Variants in KLF12 observed in about 807,000 individuals in gnomAD.
The protein encoded by KLF12 is Krueppel-like factor 12.
Under a neutral mutation model 37.8 loss-of-function variants are expected in KLF12, and 9 were observed. The ratio of observed to expected loss-of-function variants is 0.24; its 90% confidence interval spans 0.14 to 0.42. The LOEUF is 0.42. Among genes scored for constraint, KLF12 ranks in the 10% least tolerant of loss-of-function variants. The probability of loss-of-function intolerance (pLI) is 1.00; values close to 1 mark genes in which losing one functional copy is unlikely to be tolerated. For missense variants in KLF12, 411 were observed against 516.0 expected, an observed-to-expected ratio of 0.80 and a Z score of 1.97; for synonymous variants, 208 against 202.1, an observed-to-expected ratio of 1.03 and a Z score of -0.25.
intron 6 of KLF12, among the ~76,000 whole-genome samples, chr13:73,750,076 CA>C (rs1348843360): frequency 2.0e-5 from 3 of 152,168 alleles, no homozygotes; most frequent in Admixed American, 2.0e-4. Flanking sequence ...CATTATTCTT[CA>C]AACATTTTGT....
At chr13:73,748,718 T>G (rs1175688276) in intron 6 of KLF12, among the ~76,000 whole-genome samples, 1 of 152,154 alleles carries the variant, frequency 6.6e-6, no homozygotes, top group East Asian at 1.9e-4. Flanking sequence ...TACATTTAAA[T>G]TTTAATATGT....
intron 5 of KLF12, among the ~76,000 whole-genome samples, chr13:73,778,071 T>C (rs375919104): frequency 4.6e-5 from 7 of 150,968 alleles, no homozygotes; most frequent in African/African-American, 1.5e-4. Context: ...GAGGCAGAGG[T>C]TTCAGTGAGC....
intron 1 of KLF12, among the ~76,000 whole-genome samples, chr13:74,065,662 T>C (rs9565072): frequency 0.55 from 83,822 of 151,826 alleles, 25,812 homozygotes; most frequent in East Asian, 0.87. Context: ...TGTGTCCTTG[T>C]TCCAGGATAA....
At chr13:74,048,391 A>G (rs1893603389) in intron 1 of KLF12, among the ~76,000 whole-genome samples, 1 of 152,012 alleles carries the variant, frequency 6.6e-6, no homozygotes, top group Admixed American at 6.6e-5. Flanking sequence ...ATCACAAATC[A>G]TATGCTACAT....
At chr13:73,997,795 G>C (rs1291160180) in intron 1 of KLF12, among the ~76,000 whole-genome samples, 1 of 152,154 alleles carries the variant, frequency 6.6e-6, no homozygotes, top group African/African-American at 2.4e-5. Context: ...TTTCTCAATT[G>C]TCATTAGGTG....
At chr13:73,750,659 C>T (rs1017338922) in intron 6 of KLF12, among the ~76,000 whole-genome samples, 6 of 152,136 alleles carry the variant, frequency 3.9e-5, no homozygotes, top group Admixed American at 1.3e-4. Flanking sequence ...TTCTGGGGTA[C>T]ATGTGCAGGA....
chr13:73,793,851 T>C (rs1489049226), intron 5 of KLF12, among the ~76,000 whole-genome samples: 2 of 152,214 alleles, frequency 1.3e-5, no homozygotes, highest in African/African-American at 2.4e-5. Flanking sequence ...ACAGTCACGG[T>C]GCGTCATGAT....
intron 6 of KLF12, among the ~76,000 whole-genome samples, chr13:73,741,816 A>T (rs957452565): frequency 2.0e-5 from 3 of 152,256 alleles, no homozygotes; most frequent in Non-Finnish European, 4.4e-5. Context: ...AAAAATCTCC[A>T]GAAAATTGTG....
At position 73,854,714 on chromosome 13, in the gene KLF12, C is replaced by T. The variant is rs557214547; in HGVS notation, c.124-8341G>A. On this transcript the variant is annotated intron_variant, in intron 3 of 7. Coordinates refer to ENST00000377669, the MANE Select transcript of KLF12 (RefSeq NM_007249.5). The stretch of plus-strand genomic sequence containing the variant: ...TGGCACAGTATTTGCATACGGCCTA[C>T]ACAAATCTCCCCATATACTTTAAAT... Among the ~76,000 whole-genome samples, 39 of 152,296 alleles carry T rather than the reference C, an allele frequency of 2.6e-4. No individual in the cohort carries two copies. In the East Asian group the frequency reaches 2.7e-3, roughly 11 times the overall value.
chr13:73,773,153 G>C (rs1880375835), intron 5 of KLF12, among the ~76,000 whole-genome samples: 1 of 152,198 alleles, frequency 6.6e-6, no homozygotes, highest in South Asian at 2.1e-4. Context: ...CTAGAGACCT[G>C]AGTATCCTTA....
intron 3 of KLF12, among the ~76,000 whole-genome samples, chr13:73,920,374 T>C (rs1277049723): frequency 2.0e-5 from 3 of 152,118 alleles, no homozygotes; most frequent in Admixed American, 6.6e-5. Flanking sequence ...AGATAAGTCA[T>C]CTTATGGGCC....
At chr13:74,162,780 T>C in the KLF12 span, among the ~76,000 whole-genome samples, 3 of 152,154 alleles carry the variant, frequency 2.0e-5, no homozygotes, top group African/African-American at 7.2e-5. Flanking sequence ...ATTACTGCTC[T>C]GCTAACTTTG....
At chr13:74,133,360 C>A (rs1878373974) in intron 1 of KLF12, among the ~76,000 whole-genome samples, 1 of 145,214 alleles carries the variant, frequency 6.9e-6, no homozygotes, top group Admixed American at 6.9e-5. Flanking sequence ...TATTTCACAT[C>A]CTTGGCAACT....
At chr13:74,216,061 T>A in the KLF12 span, among the ~76,000 whole-genome samples, 1 of 152,154 alleles carries the variant, frequency 6.6e-6, no homozygotes, top group Non-Finnish European at 1.5e-5. Flanking sequence ...AAGGGGCACA[T>A]TCAGGTAATG....
At chr13:74,030,830 A>G (rs939347228) in intron 1 of KLF12, among the ~76,000 whole-genome samples, 30 of 152,106 alleles carry the variant, frequency 2.0e-4, no homozygotes, top group African/African-American at 6.5e-4. Flanking sequence ...CCCCCTTGAC[A>G]TGAGGAAACT....
chr13:73,713,896 A>G (rs566248908), intron 7 of KLF12, among the ~76,000 whole-genome samples: 5 of 152,352 alleles, frequency 3.3e-5, no homozygotes, highest in African/African-American at 1.2e-4. Flanking sequence ...GTGATGATTC[A>G]TTGTAGAAAG....
the KLF12 span, among the ~76,000 whole-genome samples, chr13:74,183,537 A>G: frequency 6.6e-6 from 1 of 152,166 alleles, no homozygotes; most frequent in African/African-American, 2.4e-5. Context: ...TCTGGTTATG[A>G]AAACATAATC....
the KLF12 span, among the ~76,000 whole-genome samples, chr13:74,268,434 AAC>A: frequency 6.6e-6 from 1 of 152,224 alleles, no homozygotes; most frequent in Non-Finnish European, 1.5e-5. Context: ...TATGTCGTCC[AAC>A]ATTTCTCTGG....
At chr13:73,801,612 GT>G (rs1882282587) in intron 5 of KLF12, 1 of 152,024 alleles carries the variant, frequency 6.6e-6, no homozygotes, top group South Asian at 2.1e-4. Context: ...GTGATTATAG[GT>G]AGAACATACA....
Sources: gnomAD v4.1 joint callset for allele counts (sites outside exome capture counted in the v4.1 genomes callset) on GRCh38, gnomAD v4.1.1 for gene constraint, MANE v1.5 for transcripts, NCBI Gene and HGNC (gene_info 2026-07-23, HGNC 2026-07-21) for gene names.